Variants in MPDZ observed in about 807,000 individuals in gnomAD.
MPDZ encodes multiple PDZ domain protein.
In MPDZ, 234 loss-of-function variants were observed where a neutral mutation model predicts 239.1. The observed-to-expected ratio is 0.98, with a 90% CI of 0.88 to 1.09. MPDZ has a LOEUF of 1.09. Ranked by LOEUF, MPDZ falls within the 50% of genes least tolerant of loss-of-function variation. The pLI is 0.00. For missense variants in MPDZ, 3,175 were observed against 2,510.0 expected, an observed-to-expected ratio of 1.26 and a Z score of -5.66; for synonymous variants, 1,048 against 881.3, an observed-to-expected ratio of 1.19 and a Z score of -3.35.
chr9:13,236,197 A>ATGTGTGTGTG (rs377695828), intron 3 of MPDZ, among the ~76,000 whole-genome samples: 1,096 of 76,860 alleles, frequency 0.014, 18 homozygotes, highest in African/African-American at 0.031. Context: ...TTCTGTATAT[A>ATGTGTGTGTG]TGTGTGTGTG....
chr9:13,208,874 G>C (rs1343382904), intron 10 of MPDZ, among the ~76,000 whole-genome samples: 1 of 151,930 alleles, frequency 6.6e-6, no homozygotes, highest in African/African-American at 2.4e-5. Flanking sequence ...TAAGTATCTG[G>C]CTCTGTTCTT....
At chr9:13,180,788 A>G (rs1471886272) in intron 19 of MPDZ, among the ~76,000 whole-genome samples, 3 of 152,172 alleles carry the variant, frequency 2.0e-5, no homozygotes, top group Non-Finnish European at 4.4e-5. Flanking sequence ...AGAGGCGGGT[A>G]TATTTTTCAG....
chr9:13,217,045 T>A lies in MPDZ; in HGVS notation c.1201+135A>T. 7.5e-6 allele frequency: 6 copies of A among 797,526 alleles called. No homozygotes were observed. The East Asian group carries it at 1.6e-4, about 22-fold the overall frequency. 49.4% of individuals were successfully genotyped at this position (797,526 alleles called of 1,614,324 possible). On this transcript the variant is annotated intron_variant, in intron 9 of 46. Transcript: ENST00000319217. ...AATACAATATAAGAGTCACCTACAC[T>A]AAATTATTCCTAAGGAAGTTTTCAA...
rs1248776050 is a variant in MPDZ, at chr9:13,192,126, G to T, written c.1968+5C>A. ...AGGTTAGCCTCATGTATGCAAATCT[G>T]ATACCTTTTCTGTTAGCTCAATATC... On this transcript the variant is annotated splice_donor_5th_base_variant and intron_variant, in intron 15 of 46. Transcript: ENST00000319217. 2 of 1,587,252 alleles carry T rather than the reference G, an allele frequency of 1.3e-6. No individual in the cohort carries two copies. The highest frequency in any genetic ancestry group is 1.7e-6 in the Non-Finnish European group (2 of 1,165,628).
At chr9:13,212,318 T>C (rs560918711) in intron 10 of MPDZ, among the ~76,000 whole-genome samples, 15 of 152,182 alleles carry the variant, frequency 9.9e-5, no homozygotes, top group Non-Finnish European at 2.1e-4. Flanking sequence ...AGACTTCTGT[T>C]CAAATGTCTT....
At chr9:13,271,496 A>G (rs527814637) in intron 1 of MPDZ, among the ~76,000 whole-genome samples, 2 of 152,216 alleles carry the variant, frequency 1.3e-5, no homozygotes, top group South Asian at 4.1e-4. Context: ...AAAGATGATC[A>G]TCTCTCCCTT....
chr9:13,192,970 G>T (rs117604780), intron 14 of MPDZ, among the ~76,000 whole-genome samples, 197 bp downstream of exon 14: 241 of 152,224 alleles, frequency 1.6e-3, no homozygotes, highest in Non-Finnish European at 2.7e-3. Context: ...AAATGGCATG[G>T]AATTAGTTCT....
At chr9:13,140,243 T>C (rs1221470569) in intron 27 of MPDZ, 94 bp from the exon 28 acceptor site, 4 of 1,251,660 alleles carry the variant, frequency 3.2e-6, no homozygotes, top group Non-Finnish European at 4.4e-6. Context: ...AAACAAAGAC[T>C]GGCTTTAAAA....
chr9:13,218,320 C>T (rs1187579805), intron 8 of MPDZ, among the ~76,000 whole-genome samples: 1 of 151,734 alleles, frequency 6.6e-6, no homozygotes, highest in African/African-American at 2.4e-5. Flanking sequence ...AAGACTTATG[C>T]GAGTGCTATT....
At chr9:13,151,801 T>A (rs1312638407) in intron 24 of MPDZ, among the ~76,000 whole-genome samples, 1 of 152,094 alleles carries the variant, frequency 6.6e-6, no homozygotes, top group Non-Finnish European at 1.5e-5. Flanking sequence ...AAAATAATAA[T>A]AAAAATATTT....
chr9:13,114,104 A>C, intron 40 of MPDZ, 83 bp from the exon 41 acceptor site: 1 of 1,044,252 alleles, frequency 9.6e-7, no homozygotes, highest in Non-Finnish European at 1.4e-6. Flanking sequence ...TTTAATCTAG[A>C]GACAGATACC....
In MPDZ at chr9:13,279,258, C is replaced by G. The variant is rs1312107809; in HGVS notation, c.-58+142G>C. The G allele has an allele frequency of 6.3e-3, 803 of 127,010 alleles. 40 individuals are homozygous for G. Among genetic ancestry groups the G allele is most frequent in the African/African-American group, 0.022 (770 of 35,186 alleles). 7.9% of individuals were successfully genotyped at this position (127,010 alleles called of 1,614,324 possible). ...CGGCCCGCCGCCACCCCTACCCCCA[C>G]CCCCACCCCCACCCCCATCCCCGCC... On this transcript the variant is annotated intron_variant, in intron 1 of 46. Coordinates refer to ENST00000319217, the MANE Select transcript of MPDZ (RefSeq NM_001378778.1).
chr9:13,132,775 A>C (rs1362064242), intron 32 of MPDZ, among the ~76,000 whole-genome samples: 1 of 152,180 alleles, frequency 6.6e-6, no homozygotes, highest in Non-Finnish European at 1.5e-5. Flanking sequence ...AACTATGTAC[A>C]CGTTAAGAAA....
chr9:13,123,697 CAT>C (rs1944706974), intron 35 of MPDZ, among the ~76,000 whole-genome samples: 1 of 152,150 alleles, frequency 6.6e-6, no homozygotes, highest in African/African-American at 2.4e-5. Flanking sequence ...TTATAGAACT[CAT>C]AACTGAGATA....
At chr9:13,186,436 GA>G (rs1954118235) in intron 17 of MPDZ, 50 bp from the exon 18 acceptor site, 4 of 1,289,120 alleles carry the variant, frequency 3.1e-6, no homozygotes, top group Non-Finnish European at 4.4e-6. Flanking sequence ...CAGCAAAGAA[GA>G]AAGAAAATGG....
At chr9:13,206,890 G>A (rs1413246430) in intron 10 of MPDZ, among the ~76,000 whole-genome samples, 2 of 152,032 alleles carry the variant, frequency 1.3e-5, no homozygotes, top group Non-Finnish European at 2.9e-5. Flanking sequence ...TGTTGCTAAG[G>A]CTAGTCTTGA....
intron 23 of MPDZ, among the ~76,000 whole-genome samples, chr9:13,161,024 G>A (rs1950426310): frequency 6.6e-6 from 1 of 150,816 alleles, no homozygotes; most frequent in Admixed American, 6.6e-5. Context: ...GTATCCATGG[G>A]GAGTCCTGAA....
chr9:13,136,325 CTTTTTTTTTTTTT>C (rs869272418), intron 30 of MPDZ, 143 bp from the exon 31 acceptor site: 18 of 156,688 alleles, frequency 1.1e-4, no homozygotes, highest in South Asian at 8.4e-4. Flanking sequence ...CAAACGTTTT[CTTTTTTTTTTTTT>C]TTTTTTTTTT....
At chr9:13,261,640 A>T (rs1006428097) in intron 1 of MPDZ, among the ~76,000 whole-genome samples, 1 of 152,256 alleles carries the variant, frequency 6.6e-6, no homozygotes, top group South Asian at 2.1e-4. Context: ...AAGCTCCTAC[A>T]CTTGATGGGT....
Sources: gnomAD v4.1 joint callset for allele counts (sites outside exome capture counted in the v4.1 genomes callset) on GRCh38, gnomAD v4.1.1 for gene constraint, MANE v1.5 for transcripts, NCBI Gene and HGNC (gene_info 2026-07-23, HGNC 2026-07-21) for gene names.